NUP98: variants seen among roughly 807,000 people sequenced by gnomAD.
The protein encoded by NUP98 is nucleoporin 98 and 96 precursor, also known as nuclear pore complex protein Nup98-Nup96.
NUP98 carries 26 observed loss-of-function variants against 191.9 expected under a neutral mutation model. That is an observed-to-expected ratio of 0.14 (90% CI 0.10 to 0.19). NUP98 has a LOEUF of 0.19. Ranked by LOEUF, NUP98 falls within the 10% of genes least tolerant of loss-of-function variation. The probability of loss-of-function intolerance (pLI) is 1.00; values close to 1 mark genes in which losing one functional copy is unlikely to be tolerated. For missense variants in NUP98, 1,941 were observed against 2,178.8 expected (o/e 0.89, Z 2.17); for synonymous variants, 808 against 778.4 (o/e 1.04, Z -0.63).
intron 11 of NUP98, among the ~76,000 whole-genome samples, chr11:3,745,653 A>C (rs1006603332): frequency 6.6e-6 from 1 of 152,000 alleles, no homozygotes; most frequent in Non-Finnish European, 1.5e-5. Context: ...GAGAGACAGG[A>C]TCTCATTATG....
intron 28 of NUP98, among the ~76,000 whole-genome samples, chr11:3,688,820 CAT>C (rs71041372): frequency 0.47 from 64,014 of 136,106 alleles, 15,175 homozygotes; most frequent in Admixed American, 0.61. Flanking sequence ...TTTAAATATA[CAT>C]ATATATATAT....
chr11:3,797,230 G>A (rs1022377740), intron 1 of NUP98, among the ~76,000 whole-genome samples, 170 bp downstream of exon 1: 1 of 152,216 alleles, frequency 6.6e-6, no homozygotes, highest in Non-Finnish European at 1.5e-5. Context: ...GGCCTCCCGG[G>A]CTCCGGGCCC....
intron 12 of NUP98, among the ~76,000 whole-genome samples, chr11:3,738,595 T>C (rs1454888262): frequency 1.3e-5 from 2 of 151,910 alleles, no homozygotes; most frequent in East Asian, 3.9e-4. Flanking sequence ...CTGGCCAAAA[T>C]GGTGAACCTC....
intron 10 of NUP98, among the ~76,000 whole-genome samples, chr11:3,757,390 G>C (rs1009595334): frequency 6.6e-6 from 1 of 152,000 alleles, no homozygotes; most frequent in Non-Finnish European, 1.5e-5. Context: ...AGGAGGCTGA[G>C]GTGGGAGGAT....
chr11:3,678,820 A>C (rs2077896578), intron 31 of NUP98, among the ~76,000 whole-genome samples: 1 of 152,058 alleles, frequency 6.6e-6, no homozygotes, highest in Non-Finnish European at 1.5e-5. Flanking sequence ...GACTACAAAG[A>C]CTGACCTTAA....
chr11:3,699,478 T>TA (rs1351116603), intron 24 of NUP98, 130 bp from the exon 25 acceptor site: 42 of 969,922 alleles, frequency 4.3e-5, no homozygotes, highest in Non-Finnish European at 5.5e-5. Context: ...TCAAGCTGAT[T>TA]ACCCTGAATC....
chr11:3,766,995 C>T (rs568532899), intron 8 of NUP98, among the ~76,000 whole-genome samples: 5 of 152,018 alleles, frequency 3.3e-5, no homozygotes, highest in African/African-American at 9.7e-5. Context: ...GACAGAGTCC[C>T]GCTCTGTCAC....
At chr11:3,711,987 T>C (rs918658176) in intron 20 of NUP98, 28 of 1,046,656 alleles carry the variant, frequency 2.7e-5, no homozygotes, top group Non-Finnish European at 2.9e-5. Flanking sequence ...ATACAAGTAA[T>C]TGCGATAAAC....
intron 1 of NUP98, among the ~76,000 whole-genome samples, chr11:3,794,708 A>G (rs550765391): frequency 6.6e-6 from 1 of 152,234 alleles, no homozygotes; most frequent in East Asian, 1.9e-4. Context: ...TCAATCTTCC[A>G]GGCTCTGATG....
intron 28 of NUP98, among the ~76,000 whole-genome samples, chr11:3,690,121 T>C (rs2078264039): frequency 6.6e-6 from 1 of 151,514 alleles, no homozygotes. Context: ...CCAGCTAATT[T>C]TCGTATTTTT....
chr11:3,760,708 G>A (rs2081134419), intron 9 of NUP98, 82 bp from the exon 10 acceptor site: 1 of 1,175,840 alleles, frequency 8.5e-7, no homozygotes, highest in African/African-American at 1.5e-5. Context: ...CAGGTATACT[G>A]GGTTGGGTAT....
chr11:3,702,707 T>C lies in NUP98; in HGVS notation c.3268A>G (p.Lys1090Glu). 6.2e-7 allele frequency: 1 copy of C among 1,614,180 alleles called. No homozygotes were observed. Among genetic ancestry groups the C allele is most frequent in the Non-Finnish European group, 8.5e-7 (1 of 1,180,040 alleles). ...AGTTGCCTACGTGTACCCACTGTTT[T>C]CAACGGAACCTCAGGGGCTGGGCTG... ...MPSPAPEVPL[K>E]TVGTRRQLGL... Residue 1090 changes from lysine to glutamate, a missense_variant, in exon 23 of 33, where the codon AAA becomes GAA. Physicochemically the swap from Lys to Glu is moderately conservative, Grantham distance 56. Transcript: ENST00000324932.
At chr11:3,780,554 AAAAAAAAAGAAAAAG>A (rs2081931729) in intron 2 of NUP98, among the ~76,000 whole-genome samples, 1 of 146,148 alleles carries the variant, frequency 6.8e-6, no homozygotes, top group East Asian at 1.9e-4. Context: ...AAAAAAAAAA[AAAAAAAAAGAAAAAG>A]AAAAAGAAAA....
At chr11:3,711,782 ACCCTC>A in intron 20 of NUP98, 16 of 748,296 alleles carry the variant, frequency 2.1e-5, no homozygotes, top group Non-Finnish European at 2.7e-5. Flanking sequence ...CATTTATCAT[ACCCTC>A]CCCTCCCCTG....
At chr11:3,771,500 C>T (rs1017368674) in intron 7 of NUP98, among the ~76,000 whole-genome samples, 1 of 152,150 alleles carries the variant, frequency 6.6e-6, no homozygotes, top group African/African-American at 2.4e-5. Flanking sequence ...GTACAACTTG[C>T]TCCTTCATCT....
intron 30 of NUP98, among the ~76,000 whole-genome samples, chr11:3,680,648 C>A (rs1402897311): frequency 6.6e-6 from 1 of 151,894 alleles, no homozygotes; most frequent in Non-Finnish European, 1.5e-5. Context: ...CTCAAGTGAT[C>A]CTCCCTCCAA....
intron 2 of NUP98, among the ~76,000 whole-genome samples, chr11:3,780,355 CCT>C (rs1261091647): frequency 3.4e-5 from 5 of 148,894 alleles, no homozygotes; most frequent in Non-Finnish European, 7.4e-5. Flanking sequence ...ACGGTGAAAC[CCT>C]GTCTCCACTT....
intron 12 of NUP98, among the ~76,000 whole-genome samples, chr11:3,736,443 G>A (rs1395371134): frequency 6.6e-6 from 1 of 152,156 alleles, no homozygotes; most frequent in Non-Finnish European, 1.5e-5. Flanking sequence ...ATCACTTGAG[G>A]TGAGGAGTTT....
chr11:3,716,811 T>C (rs1187172501), intron 18 of NUP98, among the ~76,000 whole-genome samples: 3 of 152,152 alleles, frequency 2.0e-5, no homozygotes, highest in South Asian at 2.1e-4. Context: ...TTGATTATTA[T>C]AGATTTATAA....
Sources: allele counts gnomAD v4.1 joint callset (sites outside exome capture counted in the v4.1 genomes callset), GRCh38; gene constraint gnomAD v4.1.1; transcripts MANE v1.5; gene names NCBI Gene and HGNC (gene_info 2026-07-23, HGNC 2026-07-21).